Variants in LRMDA observed in about 807,000 individuals in gnomAD.
LRMDA encodes leucine-rich melanocyte differentiation-associated protein.
In LRMDA, 18 loss-of-function variants were observed where a neutral mutation model predicts 29.8. The ratio of observed to expected loss-of-function variants is 0.60; its 90% CI spans 0.42 to 0.90. LRMDA has a LOEUF of 0.90. LRMDA is among the 40% of genes least tolerant of loss of function. LRMDA has a pLI of 0.00. For synonymous variants in LRMDA, 125 were observed against 109.4 expected, an observed-to-expected ratio of 1.14 and a Z score of -0.89; for missense variants, 273 against 273.9, an observed-to-expected ratio of 1.00 and a Z score of 0.02.
intron 5 of LRMDA, among the ~76,000 whole-genome samples, chr10:76,285,205 T>C (rs1233170171): frequency 1.3e-5 from 2 of 152,170 alleles, no homozygotes; most frequent in Non-Finnish European, 2.9e-5. Context: ...ATTTCCAGGA[T>C]ATAGTTGGCC....
intron 2 of LRMDA, among the ~76,000 whole-genome samples, chr10:75,787,192 T>C (rs965671273): frequency 2.0e-5 from 3 of 152,234 alleles, no homozygotes; most frequent in African/African-American, 7.2e-5. Context: ...ACTTCTTTGA[T>C]ACCGTCTCTG....
intron 2 of LRMDA, among the ~76,000 whole-genome samples, chr10:75,865,756 A>C (rs1362340774): frequency 6.6e-6 from 1 of 152,018 alleles, no homozygotes; most frequent in African/African-American, 2.4e-5. Context: ...TTTCTTGGCT[A>C]ATTTTTTTTT....
intron 2 of LRMDA, among the ~76,000 whole-genome samples, chr10:75,921,981 C>G (rs1245068989): frequency 6.6e-6 from 1 of 152,212 alleles, no homozygotes; most frequent in Non-Finnish European, 1.5e-5. Context: ...TTCCTTCCCC[C>G]CAACATTGGC....
At chr10:75,488,864 C>T (rs1844948750) in intron 2 of LRMDA, among the ~76,000 whole-genome samples, 1 of 152,162 alleles carries the variant, frequency 6.6e-6, no homozygotes, top group South Asian at 2.1e-4. Context: ...AGCGCAGTCA[C>T]TTATGTTCCC....
At chr10:75,774,305 G>A (rs1209144829) in intron 2 of LRMDA, among the ~76,000 whole-genome samples, 2 of 151,716 alleles carry the variant, frequency 1.3e-5, no homozygotes, top group African/African-American at 4.8e-5. Flanking sequence ...GGCTTCAAAG[G>A]GTATAATTTT....
At chr10:75,496,661 A>G (rs1845047416) in intron 2 of LRMDA, among the ~76,000 whole-genome samples, 1 of 152,116 alleles carries the variant, frequency 6.6e-6, no homozygotes, top group African/African-American at 2.4e-5. Flanking sequence ...CGCTTTTACA[A>G]CTAGAAACAC....
At chr10:76,328,140 T>C (rs1279091077) in intron 6 of LRMDA, among the ~76,000 whole-genome samples, 3 of 152,206 alleles carry the variant, frequency 2.0e-5, no homozygotes, top group Non-Finnish European at 2.9e-5. Flanking sequence ...CATGGGAATG[T>C]GTCAGTAATC....
chr10:75,878,633 A>G (rs963081829), intron 2 of LRMDA, among the ~76,000 whole-genome samples: 7 of 152,078 alleles, frequency 4.6e-5, no homozygotes, highest in Non-Finnish European at 1.0e-4. Flanking sequence ...GTCTTGGAAA[A>G]TGCAACATTT....
chr10:76,311,238 C>T lies in LRMDA; in HGVS notation c.517-13163C>T, dbSNP rs184106830. On this transcript the variant is annotated intron_variant, in intron 5 of 6. Coordinates refer to ENST00000611255, the MANE Select transcript of LRMDA (RefSeq NM_001305581.2). ...CAAAACTCAAGTTTATTTGGGTTAT[C>T]ACATTTATGCTAATGCTCTGTACTT... Among the ~76,000 whole-genome samples, 37 of 152,282 alleles carry T rather than the reference C, an allele frequency of 2.4e-4. No homozygotes were observed. In the East Asian group the frequency reaches 7.1e-3, roughly 29 times the overall value.
At chr10:75,553,008 C>A (rs1840170943) in intron 2 of LRMDA, among the ~76,000 whole-genome samples, 1 of 152,084 alleles carries the variant, frequency 6.6e-6, no homozygotes, top group South Asian at 2.1e-4. Flanking sequence ...TATTTTAAGT[C>A]CCTATCTGAT....
intron 2 of LRMDA, among the ~76,000 whole-genome samples, chr10:75,563,349 C>T (rs1218976049): frequency 2.0e-5 from 3 of 152,100 alleles, no homozygotes; most frequent in Non-Finnish European, 2.9e-5. Flanking sequence ...GCATTCTTCA[C>T]GTAGTTCTCA....
intron 6 of LRMDA, among the ~76,000 whole-genome samples, chr10:76,441,343 CA>C (rs1030696323): frequency 1.4e-4 from 22 of 152,204 alleles, no homozygotes; most frequent in Admixed American, 3.3e-4. Context: ...TGGGCAATTT[CA>C]TTTTTTATCC....
intron 2 of LRMDA, among the ~76,000 whole-genome samples, chr10:75,489,709 G>A (rs1310090715): frequency 6.6e-6 from 1 of 152,160 alleles, no homozygotes; most frequent in East Asian, 1.9e-4. Flanking sequence ...GTGTTAGATT[G>A]TTTGGGGTTT....
At chr10:76,175,980 C>A (rs142100910) in intron 5 of LRMDA, among the ~76,000 whole-genome samples, 1 of 152,292 alleles carries the variant, frequency 6.6e-6, no homozygotes, top group African/African-American at 2.4e-5. Context: ...GTACACTGTG[C>A]AGATTTCTAC....
At chr10:76,026,979 C>T (rs1240669829) in intron 2 of LRMDA, among the ~76,000 whole-genome samples, 1 of 152,182 alleles carries the variant, frequency 6.6e-6, no homozygotes, top group African/African-American at 2.4e-5. Context: ...AAGACATTTC[C>T]TCCCAGCTTA....
At chr10:75,958,874 G>T (rs546253529) in intron 2 of LRMDA, among the ~76,000 whole-genome samples, 1 of 152,304 alleles carries the variant, frequency 6.6e-6, no homozygotes, top group Admixed American at 6.5e-5. Flanking sequence ...AAGGCACATC[G>T]TACATGGTGG....
chr10:75,895,854 C>T (rs1415961790), intron 2 of LRMDA, among the ~76,000 whole-genome samples: 4 of 152,154 alleles, frequency 2.6e-5, no homozygotes, highest in Non-Finnish European at 4.4e-5. Flanking sequence ...CTGATAAAAA[C>T]CATGGAAGTT....
At chr10:75,546,406 CTG>C (rs1457817245) in intron 2 of LRMDA, among the ~76,000 whole-genome samples, 1 of 152,136 alleles carries the variant, frequency 6.6e-6, no homozygotes, top group Non-Finnish European at 1.5e-5. Flanking sequence ...TTATGAAACA[CTG>C]TGTACACTAT....
At chr10:76,385,942 C>T (rs1282190310) in intron 6 of LRMDA, among the ~76,000 whole-genome samples, 1 of 152,110 alleles carries the variant, frequency 6.6e-6, no homozygotes, top group African/African-American at 2.4e-5. Context: ...TCTTAGTTGA[C>T]TCATCTTGTT....
Sources: allele counts gnomAD v4.1 joint callset (sites outside exome capture counted in the v4.1 genomes callset), GRCh38; gene constraint gnomAD v4.1.1; transcripts MANE v1.5; gene names NCBI Gene and HGNC (gene_info 2026-07-23, HGNC 2026-07-21).